C11orf65: variants seen among roughly 807,000 people sequenced by gnomAD.
C11orf65 encodes the protein protein MFI.
In C11orf65, 38 loss-of-function variants were observed where a neutral mutation model predicts 35.3. The ratio of observed to expected loss-of-function variants is 1.08; its 90% confidence interval spans 0.83 to 1.41. The LOEUF (loss-of-function observed/expected upper bound fraction) is 1.41, where lower values mean the gene tolerates loss of function less well. C11orf65 is among the 40% of genes most tolerant of loss of function. The probability of loss-of-function intolerance (pLI) is 0.00; values close to 1 mark genes in which losing one functional copy is unlikely to be tolerated. For synonymous variants in C11orf65, 105 were observed against 114.4 expected, an observed-to-expected ratio of 0.92 and a Z score of 0.53; for missense variants, 370 against 367.1, an observed-to-expected ratio of 1.01 and a Z score of -0.06.
At chr11:108,363,453 C>T (rs999408911) in intron 2 of C11orf65, among the ~76,000 whole-genome samples, 8 of 152,198 alleles carry the variant, frequency 5.3e-5, no homozygotes, top group African/African-American at 1.9e-4. Flanking sequence ...ATATCTCTCC[C>T]TCTAACTCAG....
At position 108,452,019 on chromosome 11, in the gene C11orf65, G is replaced by C. The variant is rs547605222; in HGVS notation, c.81+9460C>G. Among the ~76,000 whole-genome samples the C allele has an allele frequency of 3.1e-3, 474 of 152,260 alleles. 1 individual carries two copies. The highest frequency in any genetic ancestry group is 0.011 in the African/African-American group (457 of 41,558). ...AAAAATTAATTCAAGATGGATTAAAGACTTAAACGTTAGACCTAAAACCAT... is the reference window on the plus strand; with the variant it reads ...AAAAATTAATTCAAGATGGATTAAACACTTAAACGTTAGACCTAAAACCAT... On this transcript the variant is annotated intron_variant, in intron 2 of 8. Coordinates refer to ENST00000393084, the MANE Select transcript of C11orf65 (RefSeq NM_152587.5).
downstream of C11orf65, chr11:108,329,440 T>G: frequency 5.2e-6 from 3 of 573,264 alleles, no homozygotes; most frequent in Non-Finnish European, 9.2e-6. Context: ...AAGGTCTCAC[T>G]CTGTCACCCA....
At chr11:108,468,459 G>A (rs926259825), upstream of C11orf65, among the ~76,000 whole-genome samples, 6 of 152,204 alleles carry the variant, frequency 3.9e-5, no homozygotes, top group Non-Finnish European at 7.3e-5. Flanking sequence ...ATCTTGTTCA[G>A]AACTGCCCAG....
chr11:108,445,243 C>G lies in C11orf65; in HGVS notation c.82-13405G>C, dbSNP rs187695442. On this transcript the variant is annotated intron_variant, in intron 2 of 8. Transcript: ENST00000393084. Reference sequence around the variant, plus strand: ...AGACTTACATGTCCCTGTCTGACAGCTTTGAAGAGAGTAGTGGTTCTCCCA... The same window carrying G: ...AGACTTACATGTCCCTGTCTGACAGGTTTGAAGAGAGTAGTGGTTCTCCCA... 5.9e-3 allele frequency among the ~76,000 whole-genome samples: 897 copies of G among 152,292 alleles called. 3 individuals carry two copies. Among genetic ancestry groups the G allele is most frequent in the Non-Finnish European group, 9.3e-3 (631 of 68,018 alleles).
At chr11:108,398,113 G>A (rs994070253) in intron 6 of C11orf65, among the ~76,000 whole-genome samples, 28 of 152,148 alleles carry the variant, frequency 1.8e-4, no homozygotes, top group Admixed American at 6.5e-4. Flanking sequence ...TGTAGGTAAC[G>A]GGGAGCCCTT....
rs377155074 is a variant in C11orf65 at position 108,435,072 on chromosome 11, T to C, written c.82-3234A>G. Among the ~76,000 whole-genome samples, 94 of 152,334 alleles carry C rather than the reference T, an allele frequency of 6.2e-4. 1 individual carries two copies. The highest frequency in any genetic ancestry group is 2.1e-3 in the African/African-American group (87 of 41,576). On this transcript the variant is annotated intron_variant, in intron 2 of 8. Coordinates refer to ENST00000393084, the MANE Select transcript of C11orf65 (RefSeq NM_152587.5). ...TGCTCTGAATGAATATCGTGCTATT[T>C]CTCACACAGCCAGCATCCATGAATT...
intron 2 of C11orf65, among the ~76,000 whole-genome samples, chr11:108,369,410 A>C (rs1190076899): frequency 6.6e-6 from 1 of 152,226 alleles, no homozygotes; most frequent in African/African-American, 2.4e-5. Flanking sequence ...CTAGCCTAAA[A>C]GATCTGTACT....
chr11:108,404,177 C>T (rs1251425010), intron 6 of C11orf65, among the ~76,000 whole-genome samples: 6 of 152,172 alleles, frequency 3.9e-5, no homozygotes, highest in South Asian at 4.1e-4. Context: ...GCACAATATA[C>T]AACCAGGTAT....
At chr11:108,462,350 A>G (rs940572862) in intron 1 of C11orf65, among the ~76,000 whole-genome samples, 1 of 152,238 alleles carries the variant, frequency 6.6e-6, no homozygotes, top group Admixed American at 6.5e-5. Context: ...AAAAGTAGTC[A>G]GCAATTATTG....
At chr11:108,341,324 G>C (rs1471899524) in intron 2 of C11orf65, among the ~76,000 whole-genome samples, 1 of 151,906 alleles carries the variant, frequency 6.6e-6, no homozygotes, top group African/African-American at 2.4e-5. Flanking sequence ...AAAGGCCTCC[G>C]ACCATGTTGC....
rs2085078278 is a variant in C11orf65 at position 108,319,977 on chromosome 11, A to AG, written c.641-10907_641-10906insC. On this transcript the variant is annotated intron_variant, in intron 6 of 6. Transcript: ENST00000525729. ...AGCAAAGAAGTAGAAGGAACCAGTT[A>AG]CCATGAATCATTGTACAATGCTCTA... 1 of 1,612,392 alleles carries AG rather than the reference A, an allele frequency of 6.2e-7. No homozygotes were observed. Among genetic ancestry groups the AG allele is most frequent in the Non-Finnish European group, 8.5e-7 (1 of 1,178,580 alleles).
At chr11:108,379,543 GT>G (rs1163407371), downstream of C11orf65, among the ~76,000 whole-genome samples, 1 of 151,598 alleles carries the variant, frequency 6.6e-6, no homozygotes, top group Non-Finnish European at 1.5e-5. Flanking sequence ...GAGTTAATGG[GT>G]GCAGCACACC....
chr11:108,331,377 C>A, downstream of C11orf65: 1 of 1,555,460 alleles, frequency 6.4e-7, no homozygotes. Context: ...AAATAACTTA[C>A]TTGCTTAGAT....
At chr11:108,376,352 G>A (rs2091726286) in intron 2 of C11orf65, among the ~76,000 whole-genome samples, 1 of 152,154 alleles carries the variant, frequency 6.6e-6, no homozygotes, top group Non-Finnish European at 1.5e-5. Flanking sequence ...CAACTACATG[G>A]AAACTGAACA....
chr11:108,440,652 T>C (rs2093137649), intron 2 of C11orf65, among the ~76,000 whole-genome samples: 1 of 152,148 alleles, frequency 6.6e-6, no homozygotes, highest in African/African-American at 2.4e-5. Context: ...GCATGGCAGT[T>C]TCAGGGCAGT....
Position 108,382,992 on chromosome 11 carries a change from G to A in C11orf65, c.*29C>T, listed in dbSNP as rs774656228. 29 of 1,609,094 alleles carry A rather than the reference G, an allele frequency of 1.8e-5. No homozygotes were observed. The highest frequency in any genetic ancestry group is 2.5e-5 in the Non-Finnish European group (29 of 1,178,334). On this transcript the variant is annotated 3_prime_UTR_variant, in exon 9 of 9. Coordinates refer to ENST00000393084, the MANE Select transcript of C11orf65 (RefSeq NM_152587.5). ...AACTGATGGATGGAAGGCTCAAAGG[G>A]CTATAACTCAGAATAGAAATAAAGT...
chr11:108,377,278 C>T (rs1450409436), intron 2 of C11orf65, among the ~76,000 whole-genome samples: 1 of 152,112 alleles, frequency 6.6e-6, no homozygotes, highest in Non-Finnish European at 1.5e-5. Flanking sequence ...AAAGCCTATC[C>T]ACCATGATCA....
chr11:108,430,214 C>T (rs1273653252), intron 3 of C11orf65, among the ~76,000 whole-genome samples: 4 of 149,692 alleles, frequency 2.7e-5, no homozygotes, highest in South Asian at 2.1e-4. Flanking sequence ...CTGAAAGCTC[C>T]GCCTCCCACG....
rs2137355586 is a variant in C11orf65, at chr11:108,354,881, T to C, written c.227-19589A>G. 6.2e-7 allele frequency: 1 copy of C among 1,609,292 alleles called. No individual in the cohort carries two copies. The highest frequency in any genetic ancestry group is 8.5e-7 in the Non-Finnish European group (1 of 1,175,652). On this transcript the variant is annotated intron_variant, in intron 2 of 3. Transcript: ENST00000524755. ...TCTGTTAACCATTGTAGAGGTAAAG[T>C]ATTTTATAAGGAAGACTTTATTTTT...
Sources: allele counts gnomAD v4.1 joint callset (sites outside exome capture counted in the v4.1 genomes callset), GRCh38; gene constraint gnomAD v4.1.1; transcripts MANE v1.5; gene names NCBI Gene and HGNC (gene_info 2026-07-23, HGNC 2026-07-21).